Variants in APBA1 observed in about 807,000 individuals in gnomAD.
APBA1 encodes the protein amyloid-beta A4 precursor protein-binding family A member 1.
APBA1 carries 55 observed loss-of-function variants against 86.6 expected under a neutral mutation model. The ratio of observed to expected loss-of-function variants is 0.64; its 90% confidence interval spans 0.51 to 0.80. The LOEUF (loss-of-function observed/expected upper bound fraction) is 0.80, where lower values mean the gene tolerates loss of function less well. Among genes scored for constraint, APBA1 ranks in the 30% least tolerant of loss-of-function variants. The pLI, the probability that APBA1 is intolerant of heterozygous loss-of-function variation, is 0.00. For synonymous variants in APBA1, 511 were observed against 493.9 expected, an observed-to-expected ratio of 1.03 and a Z score of -0.46; for missense variants, 1,090 against 1,183.0, an observed-to-expected ratio of 0.92 and a Z score of 1.15.
At chr9:69,590,970 A>C (rs1822116944) in intron 1 of APBA1, among the ~76,000 whole-genome samples, 1 of 152,228 alleles carries the variant, frequency 6.6e-6, no homozygotes. Flanking sequence ...TGCAAATCTG[A>C]ATAGACCCGT....
At chr9:69,441,667 G>A (rs949361726) in intron 10 of APBA1, among the ~76,000 whole-genome samples, 3 of 152,166 alleles carry the variant, frequency 2.0e-5, no homozygotes, top group Non-Finnish European at 4.4e-5. Context: ...TTTTATAGCT[G>A]TCAACATTCC....
At chr9:69,510,369 G>A (rs62567202) in intron 2 of APBA1, among the ~76,000 whole-genome samples, 21,091 of 147,098 alleles carry the variant, frequency 0.14, 1,936 homozygotes, top group East Asian at 0.27. Context: ...TACAAGGGAT[G>A]TGAAGGACCT....
chr9:69,526,733 C>A (rs562321923), intron 1 of APBA1, among the ~76,000 whole-genome samples: 4 of 151,912 alleles, frequency 2.6e-5, no homozygotes, highest in African/African-American at 9.7e-5. Flanking sequence ...CAATTGTTCT[C>A]GGTAGAATAT....
chr9:69,506,219 C>T (rs982357728), intron 2 of APBA1, among the ~76,000 whole-genome samples: 2 of 151,664 alleles, frequency 1.3e-5, no homozygotes, highest in African/African-American at 4.8e-5. Context: ...GCGCACCGTG[C>T]GCGAGCCAAA....
At chr9:69,625,513 A>C (rs79043386) in intron 1 of APBA1, among the ~76,000 whole-genome samples, 321 of 152,234 alleles carry the variant, frequency 2.1e-3, no homozygotes, top group Non-Finnish European at 3.9e-3. Context: ...GGAGGCCCAA[A>C]AAGATTTGCT....
In APBA1 at chr9:69,428,408, C is replaced by T. The variant is rs1365601579; in HGVS notation, c.*2919G>A. On this transcript the variant is annotated 3_prime_UTR_variant, in exon 13 of 13. Transcript: ENST00000265381. ...AGGCATTGGTCTTTGGGGGTTTCTT[C>T]CTCTCATGAACCCAAGGCTGATGGT... 3.9e-5 allele frequency: 6 copies of T among 152,286 alleles called. No individual in the cohort carries two copies. Among genetic ancestry groups the T allele is most frequent in the African/African-American group, 1.4e-4 (6 of 41,436 alleles). The allele number at this position is 152,286 out of a possible 1,614,324, so 9.4% of individuals were successfully genotyped here. A position where few individuals can be genotyped will look rare whatever the true frequency, so the allele number is the denominator to read the frequency against.
At chr9:69,481,914 C>T (rs1588310096) in intron 2 of APBA1, among the ~76,000 whole-genome samples, 1 of 151,686 alleles carries the variant, frequency 6.6e-6, no homozygotes, top group South Asian at 2.1e-4. Flanking sequence ...AACTGGCTAG[C>T]CATATGTAGA....
chr9:69,452,280 T>C lies in APBA1; in HGVS notation c.1810A>G (p.Ile604Val). ...TATGCCACGCTAAATGCCTGTCCGA[T>C]GGACTGTGCAATCAGCTGAGCCTGG... ...SEDAQLIAQS[I>V]GQAFSVAYQE... is the part of the protein sequence containing the mutation. Residue 604 changes from isoleucine (I) to valine (V), a missense_variant, in exon 9 of 13, where the codon ATC becomes GTC. Around this residue, in one of 6 missense-constraint regions of APBA1, gnomAD observed 97 missense variants for 166.8 expected, o/e 0.58. Coordinates refer to ENST00000265381, the MANE Select transcript of APBA1 (RefSeq NM_001163.4). 1 of 1,614,218 alleles carries C rather than the reference T, an allele frequency of 6.2e-7. No individual in the cohort carries two copies. The highest frequency in any genetic ancestry group is 8.5e-7 in the Non-Finnish European group (1 of 1,180,028).
chr9:69,646,187 T>C (rs562083340), intron 1 of APBA1, among the ~76,000 whole-genome samples: 14 of 152,290 alleles, frequency 9.2e-5, no homozygotes, highest in African/African-American at 2.6e-4. Context: ...ATAGTAAATA[T>C]GCTGTATTTG....
chr9:69,574,356 C>T (rs1564081304), intron 1 of APBA1, among the ~76,000 whole-genome samples: 1 of 152,196 alleles, frequency 6.6e-6, no homozygotes, highest in African/African-American at 2.4e-5. Flanking sequence ...ATTGCTTCTC[C>T]AACCAGTTTC....
chr9:69,590,887 G>C (rs867630671), intron 1 of APBA1, among the ~76,000 whole-genome samples: 2 of 152,172 alleles, frequency 1.3e-5, no homozygotes, highest in Admixed American at 1.3e-4. Flanking sequence ...TTCAGTTCTG[G>C]TTCCAAACTC....
chr9:69,598,567 A>C (rs1822281795), intron 1 of APBA1, among the ~76,000 whole-genome samples: 1 of 151,980 alleles, frequency 6.6e-6, no homozygotes, highest in Non-Finnish European at 1.5e-5. Context: ...GGTGGTGGTG[A>C]TAGGAAGCAG....
At chr9:69,524,394 G>A (rs546603361) in intron 1 of APBA1, among the ~76,000 whole-genome samples, 2 of 152,072 alleles carry the variant, frequency 1.3e-5, no homozygotes, top group Admixed American at 6.6e-5. Context: ...AATGACAAAA[G>A]TGACATTATA....
intron 2 of APBA1, among the ~76,000 whole-genome samples, chr9:69,505,843 C>A (rs1423518739): frequency 6.6e-6 from 1 of 151,824 alleles, no homozygotes; most frequent in Admixed American, 6.6e-5. Flanking sequence ...TATGGCAAAA[C>A]CCCGTCTCTA....
chr9:69,442,070 C>T (rs1285424034), intron 10 of APBA1, among the ~76,000 whole-genome samples: 1 of 152,180 alleles, frequency 6.6e-6, no homozygotes, highest in Admixed American at 6.5e-5. Flanking sequence ...GCAGGCCTGA[C>T]CACTGACTTG....
At chr9:69,452,413 G>A in intron 8 of APBA1, 112 bp from the exon 9 acceptor site, 2 of 1,050,364 alleles carry the variant, frequency 1.9e-6, no homozygotes, top group Non-Finnish European at 2.8e-6. Flanking sequence ...GGAAACCCTA[G>A]ACATCACGCC....
At chr9:69,618,517 C>T (rs1422424013) in intron 1 of APBA1, among the ~76,000 whole-genome samples, 2 of 152,162 alleles carry the variant, frequency 1.3e-5, no homozygotes, top group Non-Finnish European at 2.9e-5. Flanking sequence ...TGATACTTTC[C>T]ATGGAAAGAG....
At chr9:69,493,658 C>T (rs1217784034) in intron 2 of APBA1, among the ~76,000 whole-genome samples, 1 of 152,078 alleles carries the variant, frequency 6.6e-6, no homozygotes, top group Non-Finnish European at 1.5e-5. Flanking sequence ...CTCCAAGTGC[C>T]TCATACAGAG....
rs747451624 is a variant in APBA1 at position 69,449,564 on chromosome 9, T to C, written c.2181+20A>G. 2 of 1,604,286 alleles carry C rather than the reference T, an allele frequency of 1.2e-6. No individual in the cohort carries two copies. Among genetic ancestry groups the C allele is most frequent in the South Asian group, 2.2e-5 (2 of 90,814 alleles). The stretch of plus-strand genomic sequence containing the variant: ...ACTTGAGGTTTACCACATCAACTGA[T>C]TTTTCCCATATTCAGGTACCTTAAT... On this transcript the variant is annotated intron_variant, in intron 10 of 12. Transcript: ENST00000265381.
Sources: allele counts gnomAD v4.1 joint callset (sites outside exome capture counted in the v4.1 genomes callset), GRCh38; gene constraint gnomAD v4.1.1; regional missense constraint gnomAD v4.1.1; transcripts MANE v1.5; gene names NCBI Gene and HGNC (gene_info 2026-07-23, HGNC 2026-07-21).